CNTNAP2: variants seen among roughly 807,000 people sequenced by gnomAD.
CNTNAP2 encodes contactin-associated protein-like 2.
Under a neutral mutation model 155.2 loss-of-function variants are expected in CNTNAP2, and 98 were observed. That is an observed-to-expected ratio of 0.63 (90% confidence interval 0.54 to 0.75). CNTNAP2 has a LOEUF of 0.75. Ranked by LOEUF, CNTNAP2 falls within the 30% of genes least tolerant of loss-of-function variation. The pLI is 0.00. For synonymous variants in CNTNAP2, 651 were observed against 631.2 expected (o/e 1.03, Z -0.47); for missense variants, 1,727 against 1,688.1 (o/e 1.02, Z -0.40).
At chr7:146,666,304 T>C (rs1460837973) in intron 1 of CNTNAP2, among the ~76,000 whole-genome samples, 2 of 152,192 alleles carry the variant, frequency 1.3e-5, no homozygotes, top group East Asian at 3.9e-4. Context: ...TAGTTCTATA[T>C]ACGTTGCCAC....
intron 15 of CNTNAP2, among the ~76,000 whole-genome samples, chr7:148,099,098 C>T (rs1241474321): frequency 6.6e-6 from 1 of 152,152 alleles, no homozygotes; most frequent in African/African-American, 2.4e-5. Flanking sequence ...GGAAAGAGCA[C>T]TATTGTGGAA....
chr7:148,365,056 G>A (rs961862463), intron 21 of CNTNAP2, among the ~76,000 whole-genome samples: 32 of 152,330 alleles, frequency 2.1e-4, no homozygotes, highest in African/African-American at 7.2e-4. Flanking sequence ...GTCACCGCGA[G>A]GGTCCGCGGC....
Position 146,416,707 on chromosome 7 carries a change from T to C in CNTNAP2, c.97+299734T>C, listed in dbSNP as rs370624439. 9.8e-5 allele frequency among the ~76,000 whole-genome samples: 15 copies of C among 152,286 alleles called. No individual in the cohort carries two copies. The East Asian group carries it at 2.3e-3, about 24-fold the overall frequency. ...GTGGTTTTCCTCTGGTGGCTAATTGTGGTTAACTCTGCTTATCAGAGTTCT... is the reference window on the plus strand; with the variant it reads ...GTGGTTTTCCTCTGGTGGCTAATTGCGGTTAACTCTGCTTATCAGAGTTCT... On this transcript the variant is annotated intron_variant, in intron 1 of 23. Transcript: ENST00000361727.
At chr7:146,981,677 G>A (rs1798020386) in intron 3 of CNTNAP2, among the ~76,000 whole-genome samples, 2 of 151,966 alleles carry the variant, frequency 1.3e-5, no homozygotes, top group Admixed American at 6.6e-5. Context: ...TTTCAGAAGA[G>A]GTCACAGGGG....
chr7:147,044,743 G>C (rs1799325269), intron 4 of CNTNAP2, among the ~76,000 whole-genome samples: 1 of 151,834 alleles, frequency 6.6e-6, no homozygotes, highest in Non-Finnish European at 1.5e-5. Flanking sequence ...AATGGTACTT[G>C]TTTTCTCCTA....
At chr7:147,999,386 T>C (rs542092225) in intron 15 of CNTNAP2, among the ~76,000 whole-genome samples, 14 of 152,210 alleles carry the variant, frequency 9.2e-5, no homozygotes, top group Non-Finnish European at 2.1e-4. Context: ...AGTAGAAATC[T>C]TTTTTAAGAA....
chr7:147,817,409 A>G (rs1283907671), intron 13 of CNTNAP2, among the ~76,000 whole-genome samples: 1 of 152,132 alleles, frequency 6.6e-6, no homozygotes, highest in Non-Finnish European at 1.5e-5. Flanking sequence ...GCTTTTAGAG[A>G]TGGATACTGA....
chr7:147,043,985 A>AT lies in CNTNAP2; in HGVS notation c.482dup (p.Val162SerfsTer16). On this transcript the variant is annotated frameshift_variant, in exon 4 of 24. Transcript: ENST00000361727. LOFTEE classifies it high-confidence loss of function. ...TCCGATTATTGCCCGCTATGTGCGCATAGTGCCTCTGGATTGGAATGGAGA... is the reference window on the plus strand; with the variant it reads ...TCCGATTATTGCCCGCTATGTGCGCATTAGTGCCTCTGGATTGGAATGGAGA... The AT allele has an allele frequency of 6.2e-7, 1 of 1,614,200 alleles. No individual in the cohort carries two copies.
intron 18 of CNTNAP2, among the ~76,000 whole-genome samples, chr7:148,183,475 CTT>C (rs71527885): frequency 1.9e-3 from 153 of 82,216 alleles, no homozygotes; most frequent in Middle Eastern, 0.019. Context: ...TACTTATTTG[CTT>C]TTTTTTTTTT....
rs2074714 is a variant in CNTNAP2, at chr7:147,562,346, A to G, written c.1897+89A>G. On this transcript the variant is annotated intron_variant, in intron 12 of 23. Coordinates refer to ENST00000361727, the MANE Select transcript of CNTNAP2 (RefSeq NM_014141.6). ...ACCAATGGTTTGTTTCTTTGGTGCT[A>G]TGTTTTTATCACAACATCTAATCAG... The G allele has an allele frequency of 0.66, 1,012,949 of 1,539,444 alleles. 334,600 individuals carry two copies. Among genetic ancestry groups the G allele is most frequent in the African/African-American group, 0.73 (53,539 of 73,400 alleles).
intron 13 of CNTNAP2, among the ~76,000 whole-genome samples, chr7:147,641,203 C>T (rs944434614): frequency 6.6e-6 from 1 of 152,140 alleles, no homozygotes; most frequent in Non-Finnish European, 1.5e-5. Flanking sequence ...CTCTATGTGT[C>T]TAAAATAATT....
chr7:146,524,330 TC>T (rs1293544371), intron 1 of CNTNAP2, among the ~76,000 whole-genome samples: 2 of 152,114 alleles, frequency 1.3e-5, no homozygotes, highest in South Asian at 4.1e-4. Flanking sequence ...GGATCATCAT[TC>T]CTCATTCATA....
rs114084958 is a variant in CNTNAP2 at position 146,687,483 on chromosome 7, G to A, written c.98-86788G>A. Among the ~76,000 whole-genome samples, 660 of 152,116 alleles carry A rather than the reference G, an allele frequency of 4.3e-3. 1 individual carries two copies. The highest frequency in any genetic ancestry group is 0.015 in the African/African-American group (613 of 41,506). ...ATCATTGTCTGTGCCCCTTTTTGTC[G>A]TGTATCACCATAGAAAAGAAGGGAA... On this transcript the variant is annotated intron_variant, in intron 1 of 23. Transcript: ENST00000361727.
In CNTNAP2 at chr7:147,822,951, A is replaced by G. The variant is rs747870242; in HGVS notation, c.2099-80614A>G. The stretch of plus-strand genomic sequence containing the variant: ...GACAAGGGTTGGTACAGAAAATATC[A>G]TTTTATCAGAAGGAAACCTTGTCTT... On this transcript the variant is annotated intron_variant, in intron 13 of 23. Coordinates refer to ENST00000361727, the MANE Select transcript of CNTNAP2 (RefSeq NM_014141.6). Among the ~76,000 whole-genome samples, 35 of 152,194 alleles carry G rather than the reference A, an allele frequency of 2.3e-4. 1 individual carries two copies. Among genetic ancestry groups the G allele is most frequent in the Admixed American group, 1.6e-3 (25 of 15,276 alleles).
At chr7:148,120,866 A>G (rs1180207853) in intron 16 of CNTNAP2, among the ~76,000 whole-genome samples, 1 of 152,114 alleles carries the variant, frequency 6.6e-6, no homozygotes, top group Non-Finnish European at 1.5e-5. Context: ...ATTATATGTC[A>G]TCTCCATCAG....
chr7:147,766,648 T>G (rs117432026), intron 13 of CNTNAP2, among the ~76,000 whole-genome samples: 1 of 152,144 alleles, frequency 6.6e-6, no homozygotes, highest in Non-Finnish European at 1.5e-5. Flanking sequence ...ACTTTTCAAG[T>G]ACTTGAAGCA....
At position 146,232,895 on chromosome 7, in the gene CNTNAP2, C is replaced by T. The variant is rs1311976855; in HGVS notation, c.97+115922C>T. ...GGGATACAAGAGTGAATATGGAAAGCAATGTCTTTTTCTTACTTGGCCCTT... is the reference window on the plus strand; with the variant it reads ...GGGATACAAGAGTGAATATGGAAAGTAATGTCTTTTTCTTACTTGGCCCTT... On this transcript the variant is annotated intron_variant, in intron 1 of 23. Transcript: ENST00000361727. 2.6e-5 allele frequency among the ~76,000 whole-genome samples: 4 copies of T among 152,134 alleles called. No homozygotes were observed. The South Asian group carries it at 8.3e-4, about 32-fold the overall frequency.
intron 15 of CNTNAP2, among the ~76,000 whole-genome samples, chr7:148,101,725 T>C (rs1233085261): frequency 6.6e-6 from 1 of 151,992 alleles, no homozygotes; most frequent in African/African-American, 2.4e-5. Flanking sequence ...TGCTGTGCTC[T>C]GGGTGGCTGT....
At chr7:146,893,057 C>T (rs1311186590) in intron 3 of CNTNAP2, among the ~76,000 whole-genome samples, 1 of 152,044 alleles carries the variant, frequency 6.6e-6, no homozygotes, top group Non-Finnish European at 1.5e-5. Flanking sequence ...ATGTTTTATA[C>T]ATATGGACTT....
Sources: allele counts gnomAD v4.1 joint callset (sites outside exome capture counted in the v4.1 genomes callset), GRCh38; gene constraint gnomAD v4.1.1; transcripts MANE v1.5; gene names NCBI Gene and HGNC (gene_info 2026-07-23, HGNC 2026-07-21).